RNF128: variants seen among roughly 807,000 people sequenced by gnomAD.
RNF128 encodes E3 ubiquitin-protein ligase RNF128.
RNF128 carries 13 observed loss-of-function variants against 26.2 expected under a neutral mutation model. The observed-to-expected ratio is 0.50, with a 90% CI of 0.32 to 0.79. RNF128 has a LOEUF of 0.79. Ranked by LOEUF, RNF128 falls within the 30% of genes least tolerant of loss-of-function variation. The probability of loss-of-function intolerance (pLI) is 0.03; values close to 1 mark genes in which losing one functional copy is unlikely to be tolerated. For missense variants in RNF128, 315 were observed against 349.7 expected (o/e 0.90, Z 0.79); for synonymous variants, 149 against 142.5 (o/e 1.05, Z -0.32).
At chrX:106,739,928 C>T (rs189213359) in intron 1 of RNF128, among the ~76,000 whole-genome samples, 10 of 111,630 alleles carry the variant, frequency 9.0e-5, no homozygotes, top group East Asian at 5.6e-4. Context: ...GGAACTCTTG[C>T]ACCCTTGGAT....
chrX:106,717,710 A>G (rs987205406), intron 1 of RNF128, among the ~76,000 whole-genome samples: 20 of 112,223 alleles, frequency 1.8e-4, no homozygotes, highest in African/African-American at 6.5e-4. Context: ...ACTGCTTACA[A>G]TTTTATGTTA....
At chrX:106,752,575 C>A (rs1384714460) in intron 1 of RNF128, among the ~76,000 whole-genome samples, 1 of 112,323 alleles carries the variant, frequency 8.9e-6, no homozygotes, top group Non-Finnish European at 1.9e-5. Context: ...GCTTGAAAAG[C>A]ATTCTCAAGA....
At chrX:106,755,761 AG>A (rs899232765) in intron 1 of RNF128, among the ~76,000 whole-genome samples, 1 of 111,336 alleles carries the variant, frequency 9.0e-6, no homozygotes, top group African/African-American at 3.3e-5. Context: ...AAGGAAATAA[AG>A]GGTATTCAAT....
At chrX:106,789,344 T>C (rs1930767442) in intron 4 of RNF128, among the ~76,000 whole-genome samples, 1 of 97,150 alleles carries the variant, frequency 1.0e-5, no homozygotes, top group Non-Finnish European at 2.0e-5. Context: ...TTATGTGTAT[T>C]TATATTATAT....
intron 1 of RNF128, among the ~76,000 whole-genome samples, chrX:106,744,159 T>C (rs2147677298): frequency 9.0e-6 from 1 of 110,828 alleles, no homozygotes; most frequent in East Asian, 2.9e-4. Flanking sequence ...AAATGACGAG[T>C]TAGTGGGTGC....
At chrX:106,704,068 C>T (rs1240361200) in intron 1 of RNF128, among the ~76,000 whole-genome samples, 2 of 109,412 alleles carry the variant, frequency 1.8e-5, no homozygotes, top group East Asian at 5.8e-4. Context: ...CATGGCCAAG[C>T]AGAGAGGAAG....
At chrX:106,788,414 A>AT (rs1569445340) in intron 4 of RNF128, among the ~76,000 whole-genome samples, 1 of 47,647 alleles carries the variant, frequency 2.1e-5, no homozygotes, top group African/African-American at 8.9e-5. Flanking sequence ...AATATATAAT[A>AT]TATAATATAT....
chrX:106,728,845 A>G (rs906789333), intron 1 of RNF128, among the ~76,000 whole-genome samples: 4 of 112,291 alleles, frequency 3.6e-5, no homozygotes, highest in Non-Finnish European at 3.8e-5. Context: ...GATCCCTTTC[A>G]GATCTAAAAT....
intron 1 of RNF128, among the ~76,000 whole-genome samples, chrX:106,737,194 CTTAG>C (rs749572717): frequency 9.0e-5 from 10 of 111,074 alleles, no homozygotes; most frequent in Non-Finnish European, 1.9e-4. Flanking sequence ...TGATTTGTGG[CTTAG>C]TTAGTCATCA....
chrX:106,764,678 A>C (rs1481528813), intron 1 of RNF128, among the ~76,000 whole-genome samples: 1 of 111,490 alleles, frequency 9.0e-6, no homozygotes, highest in Non-Finnish European at 1.9e-5. Flanking sequence ...AAAAAACAAA[A>C]CAACAACAAC....
chrX:106,781,801 A>G (rs1175626523), intron 2 of RNF128, among the ~76,000 whole-genome samples: 1 of 111,790 alleles, frequency 8.9e-6, no homozygotes, highest in Non-Finnish European at 1.9e-5. Context: ...GAGATCCTTT[A>G]TAATCAAATC....
At chrX:106,696,514 G>GTGTTT (rs1402375012) in intron 1 of RNF128, among the ~76,000 whole-genome samples, 1 of 111,093 alleles carries the variant, frequency 9.0e-6, no homozygotes, top group South Asian at 3.8e-4. Flanking sequence ...CTTTTCACTC[G>GTGTTT]TGTTTTGTTT....
Position 106,753,877 on chromosome X carries a change from G to A in RNF128, c.485-19036G>A, listed in dbSNP as rs759272490. ...AAAGAAGGTCATTATATAATGATAA[G>A]AGGATCAATTCAGCAAGAAGATAGA... On this transcript the variant is annotated intron_variant, in intron 1 of 6. Transcript: ENST00000255499. Among the ~76,000 whole-genome samples the A allele has an allele frequency of 4.4e-3, 492 of 112,229 alleles. 2 individuals are homozygous for A. The highest frequency in any genetic ancestry group is 4.8e-3 in the Non-Finnish European group (257 of 53,207).
chrX:106,713,281 G>T, intron 1 of RNF128, among the ~76,000 whole-genome samples: 1 of 110,417 alleles, frequency 9.1e-6, no homozygotes, highest in Admixed American at 9.5e-5. Flanking sequence ...AGCCAAGGCG[G>T]GTGGATTGCT....
chrX:106,769,705 C>T (rs5962746), intron 1 of RNF128, among the ~76,000 whole-genome samples: 18,957 of 109,297 alleles, frequency 0.17, 4,173 homozygotes, highest in African/African-American at 0.61. Context: ...GTGTCTTTTT[C>T]TTTTCAGTCT....
rs374429077 is a variant in RNF128 at position 106,693,998 on chromosome X, G to A, written c.-5G>A. 4.0e-5 allele frequency: 47 copies of A among 1,177,779 alleles called. No homozygotes were observed. In the African/African-American group the frequency reaches 8.1e-4, roughly 20 times the overall value. On this transcript the variant is annotated 5_prime_UTR_variant, in exon 1 of 7. Transcript: ENST00000324342. ...TCTTAAATTTTATACTCAAATGAAT[G>A]AGCAATGAACCAGGAGAATAGGTCC...
At chrX:106,743,470 T>C (rs1267798945) in intron 1 of RNF128, among the ~76,000 whole-genome samples, 2 of 112,070 alleles carry the variant, frequency 1.8e-5, no homozygotes, top group Non-Finnish European at 3.8e-5. Flanking sequence ...GACCAATGCA[T>C]GATATTGCAA....
chrX:106,757,748 T>A (rs914848333), intron 1 of RNF128, among the ~76,000 whole-genome samples: 5 of 110,165 alleles, frequency 4.5e-5, no homozygotes, highest in African/African-American at 6.6e-5. Flanking sequence ...AAAATAAATT[T>A]AAAAAAAACC....
intron 2 of RNF128, among the ~76,000 whole-genome samples, chrX:106,784,056 T>C (rs1930609514): frequency 9.0e-6 from 1 of 111,631 alleles, no homozygotes; most frequent in African/African-American, 3.3e-5. Context: ...CTACCAAGTG[T>C]CATACTTAGC....
Sources: allele counts gnomAD v4.1 joint callset (sites outside exome capture counted in the v4.1 genomes callset), GRCh38; gene constraint gnomAD v4.1.1; transcripts MANE v1.5; gene names NCBI Gene and HGNC (gene_info 2026-07-23, HGNC 2026-07-21).